The following RLF variants were observed in gnomAD, a reference collection of about 807,000 sequenced individuals.
RLF encodes the protein zinc finger protein Rlf.
A neutral mutation model predicts 162.9 loss-of-function variants in RLF; 7 were observed. The ratio of observed to expected loss-of-function variants is 0.04; its 90% confidence interval spans 0.02 to 0.08. The LOEUF (loss-of-function observed/expected upper bound fraction) is 0.08, where lower values mean the gene tolerates loss of function less well. Ranked by LOEUF, RLF falls within the 10% of genes least tolerant of loss-of-function variation. The pLI is 1.00. For synonymous variants in RLF, 782 were observed against 791.5 expected (o/e 0.99, Z 0.20); for missense variants, 1,664 against 2,244.7 (o/e 0.74, Z 5.23).
Position 40,239,181 on chromosome 1 carries a change from A to G in RLF, c.4479A>G (p.Val1493=), listed in dbSNP as rs774363762. The change falls in exon 8 of 8, where the codon GTA becomes GTG. Residue 1493 remains valine, a synonymous_variant. Coordinates refer to ENST00000372771, the MANE Select transcript of RLF (RefSeq NM_012421.4). ...ANERLLRSEK[V]CQTADTQGHE... is the part of the protein sequence containing the mutation. ...AGAGACTACTAAGGAGTGAAAAGGT[A>G]TGTCAAACAGCTGATACTCAGGGGC... 1.4e-5 allele frequency: 22 copies of G among 1,614,038 alleles called. No homozygotes were observed. In the African/African-American group the frequency reaches 2.0e-4, roughly 15 times the overall value.
intron 6 of RLF, among the ~76,000 whole-genome samples, chr1:40,228,805 T>A (rs1643114447): frequency 6.6e-6 from 1 of 152,064 alleles, no homozygotes; most frequent in East Asian, 1.9e-4. Flanking sequence ...GAATTTTATT[T>A]TATTTGAGAG....
intron 6 of RLF, among the ~76,000 whole-genome samples, chr1:40,229,925 A>G (rs1316511944): frequency 6.6e-6 from 1 of 151,870 alleles, no homozygotes; most frequent in Admixed American, 6.6e-5. Context: ...GACCAGCCTG[A>G]CCAACATGGA....
At chr1:40,162,441 C>G (rs1465275681) in intron 1 of RLF, among the ~76,000 whole-genome samples, 1 of 152,068 alleles carries the variant, frequency 6.6e-6, no homozygotes, top group Non-Finnish European at 1.5e-5. Context: ...AAGTCTTTTA[C>G]AAATACAAAT....
chr1:40,209,870 TC>T (rs1007398530), intron 5 of RLF, among the ~76,000 whole-genome samples: 1 of 145,106 alleles, frequency 6.9e-6, no homozygotes, highest in African/African-American at 2.6e-5. Context: ...AGGGCGAGAC[TC>T]CGTCTTAAAA....
intron 5 of RLF, among the ~76,000 whole-genome samples, chr1:40,207,799 C>T (rs1642815785): frequency 3.9e-5 from 6 of 152,062 alleles, no homozygotes; most frequent in Admixed American, 3.9e-4. Flanking sequence ...TTAGTAGAGA[C>T]AGGGTTTTGC....
intron 5 of RLF, among the ~76,000 whole-genome samples, chr1:40,214,088 T>G (rs1278896618): frequency 6.6e-6 from 1 of 152,256 alleles, no homozygotes; most frequent in Non-Finnish European, 1.5e-5. Flanking sequence ...TAAAATTAGA[T>G]ATTTTATTTT....
intron 6 of RLF, 62 bp from the exon 7 acceptor site, chr1:40,231,455 G>A (rs748468520): frequency 1.0e-5 from 15 of 1,505,102 alleles, no homozygotes; most frequent in Admixed American, 2.1e-5. Flanking sequence ...TTGGGTTGCC[G>A]GGGGCAGGGC....
At chr1:40,206,736 G>A (rs2184905) in intron 5 of RLF, among the ~76,000 whole-genome samples, 77,437 of 151,882 alleles carry the variant, frequency 0.51, 21,255 homozygotes, top group African/African-American at 0.73. Flanking sequence ...CTCTCCAGCC[G>A]CCTTGTCTTT....
chr1:40,226,983 C>T (rs1033480618), intron 6 of RLF, among the ~76,000 whole-genome samples: 1 of 152,182 alleles, frequency 6.6e-6, no homozygotes, highest in Non-Finnish European at 1.5e-5. Context: ...TCTGCCTCAT[C>T]CTCCTGAGTA....
At chr1:40,196,546 C>G (rs947158630) in intron 4 of RLF, among the ~76,000 whole-genome samples, 2 of 151,982 alleles carry the variant, frequency 1.3e-5, no homozygotes, top group African/African-American at 4.8e-5. Context: ...ACTCTGCTAC[C>G]CAGGCTGGAG....
rs570983476 is a variant in RLF at position 40,201,621 on chromosome 1, A to G, written c.608-791A>G. On this transcript the variant is annotated intron_variant, in intron 4 of 7. Coordinates refer to ENST00000372771, the MANE Select transcript of RLF (RefSeq NM_012421.4). Reference sequence around the variant, plus strand: ...AGCCTGGGTGACAGAGCAAGACTTCATCTCAAAAAAAAAAAAAAAAAAAAA... The same window carrying G: ...AGCCTGGGTGACAGAGCAAGACTTCGTCTCAAAAAAAAAAAAAAAAAAAAA... Among the ~76,000 whole-genome samples the G allele has an allele frequency of 8.4e-3, 553 of 65,696 alleles. 6 individuals are homozygous for G. Among genetic ancestry groups the G allele is most frequent in the African/African-American group, 0.03 (538 of 17,846 alleles). The allele number at this position is 65,696 out of a possible 152,430, so 43.1% of individuals were successfully genotyped here.
intron 7 of RLF, among the ~76,000 whole-genome samples, chr1:40,235,249 C>T (rs188024423): frequency 4.0e-5 from 6 of 151,804 alleles, no homozygotes; most frequent in East Asian, 3.9e-4. Context: ...TTAGTAGAGA[C>T]GGGGTTTCTC....
Position 40,202,611 on chromosome 1 carries a change from G to A in RLF, c.807G>A (p.Lys269=), listed in dbSNP as rs1642732728. 5.3e-6 allele frequency: 8 copies of A among 1,500,068 alleles called. No individual in the cohort carries two copies. The highest frequency in any genetic ancestry group is 7.1e-6 in the Non-Finnish European group (8 of 1,124,760). 92.9% of individuals were successfully genotyped at this position (1,500,068 alleles called of 1,614,324 possible). A position where few individuals can be genotyped will look rare whatever the true frequency, so the allele number is the denominator to read the frequency against. Residue 269 remains lysine (K), a synonymous_variant, in exon 5 of 8, where the codon AAG becomes AAA. Transcript: ENST00000372771. ...CSMLPNEDAI[K]EIAKVDCKEV... ...TGCTCCCTAATGAAGATGCTATTAAGGAGGTGAGTAAATAATTGTTGTCAT... is the reference window on the plus strand; with the variant it reads ...TGCTCCCTAATGAAGATGCTATTAAAGAGGTGAGTAAATAATTGTTGTCAT...
chr1:40,185,330 C>T (rs939878184), intron 1 of RLF, among the ~76,000 whole-genome samples: 1 of 150,830 alleles, frequency 6.6e-6, no homozygotes, highest in Non-Finnish European at 1.5e-5. Context: ...AGGGTTTCAC[C>T]ATGTTGGCCA....
chr1:40,184,244 C>T (rs548860512), intron 1 of RLF, among the ~76,000 whole-genome samples: 7 of 152,224 alleles, frequency 4.6e-5, no homozygotes, highest in African/African-American at 1.7e-4. Flanking sequence ...TCATTTTCCC[C>T]TTGGACATTA....
intron 5 of RLF, among the ~76,000 whole-genome samples, chr1:40,205,361 A>G (rs1322637294): frequency 1.3e-5 from 2 of 152,140 alleles, no homozygotes; most frequent in African/African-American, 4.8e-5. Context: ...ATAAAATAAA[A>G]TAAAAATAAC....
intron 1 of RLF, among the ~76,000 whole-genome samples, chr1:40,178,627 T>TTG (rs1277192913): frequency 3.0e-5 from 4 of 134,894 alleles, no homozygotes; most frequent in African/African-American, 1.1e-4. Flanking sequence ...GTGTTTTTTT[T>TTG]TTTTGTTTTT....
At chr1:40,185,517 T>TTAAA (rs1553172908) in intron 1 of RLF, among the ~76,000 whole-genome samples, 1 of 23,738 alleles carries the variant, frequency 4.2e-5, no homozygotes, top group Non-Finnish European at 7.1e-5. Context: ...AATCTTGCAT[T>TTAAA]AAAAAAAAAA....
intron 3 of RLF, among the ~76,000 whole-genome samples, chr1:40,191,212 C>T (rs964084897): frequency 6.6e-6 from 1 of 152,166 alleles, no homozygotes; most frequent in Non-Finnish European, 1.5e-5. Context: ...TTCATTACAT[C>T]TAAGGTTCAC....
Sources: gnomAD v4.1 joint callset for allele counts (sites outside exome capture counted in the v4.1 genomes callset) on GRCh38, gnomAD v4.1.1 for gene constraint, MANE v1.5 for transcripts, NCBI Gene and HGNC (gene_info 2026-07-23, HGNC 2026-07-21) for gene names.